The following PEX5L variants were observed in gnomAD, a reference collection of about 807,000 sequenced individuals.
PEX5L encodes PEX5-related protein.
PEX5L carries 30 observed loss-of-function variants against 84.0 expected under a neutral mutation model. That is an observed-to-expected ratio of 0.36 (90% CI 0.27 to 0.48). The LOEUF (loss-of-function observed/expected upper bound fraction) is 0.48. Among genes scored for constraint, PEX5L ranks in the 20% least tolerant of loss-of-function variants. The pLI, the probability that PEX5L is intolerant of heterozygous loss-of-function variation, is 0.99. For synonymous variants in PEX5L, 270 were observed against 283.1 expected (o/e 0.95, Z 0.46); for missense variants, 533 against 754.6 (o/e 0.71, Z 3.44).
intron 2 of PEX5L, among the ~76,000 whole-genome samples, chr3:179,969,896 T>C (rs1029935716): frequency 6.6e-6 from 1 of 152,196 alleles, no homozygotes; most frequent in Admixed American, 6.5e-5. Context: ...TTTTGTTCTC[T>C]TATTTTTTCT....
intron 3 of PEX5L, among the ~76,000 whole-genome samples, chr3:179,889,991 C>G (rs1757112381): frequency 6.6e-6 from 1 of 152,122 alleles, no homozygotes; most frequent in Non-Finnish European, 1.5e-5. Context: ...CCGGTGAGCT[C>G]ATCTAAAAAT....
At chr3:179,986,397 A>ATTTT (rs11344304) in intron 1 of PEX5L, among the ~76,000 whole-genome samples, 3 of 111,092 alleles carry the variant, frequency 2.7e-5, no homozygotes, top group African/African-American at 3.9e-5. Context: ...CCATTTAGTA[A>ATTTT]TTTTTTTTTT....
chr3:179,816,289 A>T (rs1268025759), intron 9 of PEX5L, among the ~76,000 whole-genome samples: 1 of 152,232 alleles, frequency 6.6e-6, no homozygotes, highest in East Asian at 1.9e-4. Flanking sequence ...AAATGCACAC[A>T]TATGTTTACT....
At chr3:179,805,932 G>A (rs1274683711) in intron 14 of PEX5L, among the ~76,000 whole-genome samples, 2 of 151,104 alleles carry the variant, frequency 1.3e-5, no homozygotes, top group African/African-American at 2.4e-5. Flanking sequence ...ACCCTAAGAA[G>A]TTATAATTAA....
At chr3:179,955,815 A>T (rs530528216) in intron 2 of PEX5L, among the ~76,000 whole-genome samples, 51 of 152,250 alleles carry the variant, frequency 3.3e-4, no homozygotes, top group African/African-American at 1.2e-3. Flanking sequence ...ATCACTCAAA[A>T]AACCCAATGT....
At chr3:179,929,588 T>G (rs778974731) in intron 2 of PEX5L, among the ~76,000 whole-genome samples, 1 of 151,828 alleles carries the variant, frequency 6.6e-6, no homozygotes, top group Non-Finnish European at 1.5e-5. Context: ...ATAGAACTAC[T>G]CTTTAAGTAT....
At position 180,036,937 on chromosome 3, in the gene PEX5L, T is replaced by G. The variant is rs1044847940; in HGVS notation, c.-338A>C. ...CTTCGCCGAACTCTTTCTCGCTTCC[T>G]GCCAGGTTGCCTCATGTCTCTCTCT... On this transcript the variant is annotated 5_prime_UTR_variant, in exon 1 of 15. Transcript: ENST00000467460. 2.9e-5 allele frequency: 10 copies of G among 342,224 alleles called. No homozygotes were observed. The highest frequency in any genetic ancestry group is 5.1e-5 in the Non-Finnish European group (9 of 177,754). 21.2% of individuals were successfully genotyped at this position (342,224 alleles called of 1,614,324 possible).
chr3:179,935,964 C>T (rs1774460837), intron 2 of PEX5L, among the ~76,000 whole-genome samples: 1 of 152,178 alleles, frequency 6.6e-6, no homozygotes, highest in Admixed American at 6.5e-5. Context: ...AGGCCCCCAC[C>T]AGAAGCTGAG....
chr3:179,831,318 T>TAAA (rs58515903), intron 8 of PEX5L, among the ~76,000 whole-genome samples: 1 of 119,592 alleles, frequency 8.4e-6, no homozygotes, highest in African/African-American at 3.0e-5. Context: ...AGACTCTGTC[T>TAAA]AAAAAAAAAA....
At chr3:179,863,860 C>T (rs1035129064) in intron 7 of PEX5L, among the ~76,000 whole-genome samples, 4 of 152,134 alleles carry the variant, frequency 2.6e-5, no homozygotes, top group Non-Finnish European at 5.9e-5. Context: ...TGTGTCCCCA[C>T]CCAAATCTCT....
chr3:179,988,767 T>C (rs756761500), intron 1 of PEX5L, among the ~76,000 whole-genome samples: 4 of 152,228 alleles, frequency 2.6e-5, no homozygotes, highest in Non-Finnish European at 5.9e-5. Flanking sequence ...TCACTGAAGA[T>C]ACATTTGTGG....
chr3:179,816,064 C>A, intron 9 of PEX5L, 60 bp from the exon 10 acceptor site: 1 of 1,534,656 alleles, frequency 6.5e-7, no homozygotes, highest in Non-Finnish European at 9.0e-7. Context: ...TTCTCACATT[C>A]AATAAGTTCT....
chr3:179,929,487 C>T (rs1438256775), intron 2 of PEX5L, among the ~76,000 whole-genome samples: 2 of 107,910 alleles, frequency 1.9e-5, no homozygotes, highest in Admixed American at 1.9e-4. Flanking sequence ...TGTGAAGTTG[C>T]CATTTTTTTT....
chr3:179,888,011 G>T, intron 3 of PEX5L: 1 of 793,704 alleles, frequency 1.3e-6, no homozygotes, highest in Admixed American at 2.2e-5. Context: ...AATGTTTAAA[G>T]CTCAAGCCTT....
In PEX5L at chr3:179,800,648, C is replaced by T. The variant is rs1209733785; in HGVS notation, c.*1180G>A. 1.3e-5 allele frequency: 2 copies of T among 152,164 alleles called. No individual in the cohort carries two copies. Among genetic ancestry groups the T allele is most frequent in the African/African-American group, 4.8e-5 (2 of 41,434 alleles). 9.4% of individuals were successfully genotyped at this position (152,164 alleles called of 1,614,324 possible). A position where few individuals can be genotyped will look rare whatever the true frequency, so the allele number is the denominator to read the frequency against. ...GGCATGCATCTTTCATATGAAATCA[C>T]TGGCATTCAGTGAGATTTGGTTTGA... is the stretch of plus-strand genomic sequence containing the variant. On this transcript the variant is annotated 3_prime_UTR_variant, in exon 15 of 15. Transcript: ENST00000467460.
At chr3:179,959,657 T>C (rs1781526443) in intron 2 of PEX5L, among the ~76,000 whole-genome samples, 1 of 152,112 alleles carries the variant, frequency 6.6e-6, no homozygotes, top group Non-Finnish European at 1.5e-5. Context: ...ATAAAGAAAA[T>C]GAAAAATTAT....
chr3:180,002,771 A>C (rs1276536961), intron 1 of PEX5L, among the ~76,000 whole-genome samples: 1 of 152,128 alleles, frequency 6.6e-6, no homozygotes, highest in Non-Finnish European at 1.5e-5. Flanking sequence ...TGTGAAGACT[A>C]CCTCACAAAT....
In PEX5L at chr3:179,970,331, G is replaced by T. The variant is rs13324467; in HGVS notation, c.93+1263C>A. Among the ~76,000 whole-genome samples, 1,315 of 152,124 alleles carry T rather than the reference G, an allele frequency of 8.6e-3. 18 individuals carry two copies. Among genetic ancestry groups the T allele is most frequent in the African/African-American group, 0.03 (1,255 of 41,510 alleles). On this transcript the variant is annotated intron_variant, in intron 2 of 14. Transcript: ENST00000467460. The stretch of plus-strand genomic sequence containing the variant: ...CTATGGGTGGGATCAGACATAGACT[G>T]CATGCCCCAAGTATTTAATCTGGCA...
chr3:179,858,973 C>CA, intron 8 of PEX5L, 89 bp downstream of exon 8: 2 of 776,026 alleles, frequency 2.6e-6, no homozygotes, highest in Middle Eastern at 2.3e-4. Context: ...ATGTAAGACC[C>CA]ATTTCATTTC....
Sources: allele counts gnomAD v4.1 joint callset (sites outside exome capture counted in the v4.1 genomes callset), GRCh38; gene constraint gnomAD v4.1.1; transcripts MANE v1.5; gene names NCBI Gene and HGNC (gene_info 2026-07-23, HGNC 2026-07-21).